The following NRG3 variants were observed in gnomAD, a reference collection of about 807,000 sequenced individuals.
NRG3 encodes neuregulin 3, also known as pro-neuregulin-3, membrane-bound isoform.
Under a neutral mutation model 66.9 loss-of-function variants are expected in NRG3, and 31 were observed. The observed-to-expected ratio is 0.46, with a 90% CI of 0.35 to 0.63. The LOEUF (loss-of-function observed/expected upper bound fraction) is 0.63. Among genes scored for constraint, NRG3 ranks in the 20% least tolerant of loss-of-function variants. NRG3 has a pLI of 0.00. For synonymous variants in NRG3, 393 were observed against 359.4 expected (o/e 1.09, Z -1.06); for missense variants, 910 against 878.9 (o/e 1.04, Z -0.45).
intron 1 of NRG3, among the ~76,000 whole-genome samples, chr10:82,048,462 A>G (rs1042415287): frequency 9.9e-5 from 15 of 152,078 alleles, no homozygotes; most frequent in Non-Finnish European, 2.1e-4. Context: ...AAACCGCACA[A>G]CTACGTGGAA....
chr10:82,679,282 T>C (rs1275992214), intron 2 of NRG3, among the ~76,000 whole-genome samples: 2 of 152,190 alleles, frequency 1.3e-5, no homozygotes, highest in Admixed American at 6.5e-5. Context: ...ATCATAATTA[T>C]GGCATTTCAT....
chr10:82,020,549 G>A (rs17099098), intron 1 of NRG3, among the ~76,000 whole-genome samples: 21,193 of 152,014 alleles, frequency 0.14, 1,863 homozygotes, highest in East Asian at 0.28. Flanking sequence ...TAAAATTTAC[G>A]TAAAATAGTT....
Position 82,082,802 on chromosome 10 carries a change from G to A in NRG3, c.823+206639G>A, listed in dbSNP as rs190144773. ...GGTTGGAGGCCCTGGGTCTCCAATT[G>A]ACCCTTCAAATATATTATTCTGTTC... On this transcript the variant is annotated intron_variant, in intron 1 of 8. Transcript: ENST00000372141. Among the ~76,000 whole-genome samples the A allele has an allele frequency of 1.7e-3, 265 of 152,228 alleles. No homozygotes were observed. In the Middle Eastern group the frequency reaches 0.024, roughly 14 times the overall value.
intron 1 of NRG3, among the ~76,000 whole-genome samples, chr10:81,913,631 C>T (rs1845392707): frequency 6.6e-6 from 1 of 151,998 alleles, no homozygotes; most frequent in Non-Finnish European, 1.5e-5. Context: ...ACCATGTTGG[C>T]CAGGCTGGTC....
chr10:82,576,454 A>G (rs973078442), intron 2 of NRG3, among the ~76,000 whole-genome samples: 4 of 151,712 alleles, frequency 2.6e-5, no homozygotes, highest in Admixed American at 1.3e-4. Flanking sequence ...TCCAAAAGGC[A>G]AGCAGAACCA....
intron 1 of NRG3, among the ~76,000 whole-genome samples, chr10:81,893,105 A>G (rs879879569): frequency 6.6e-6 from 1 of 152,230 alleles, no homozygotes; most frequent in Non-Finnish European, 1.5e-5. Context: ...AAATTAGAAA[A>G]TATAAGTAAT....
intron 1 of NRG3, among the ~76,000 whole-genome samples, chr10:81,899,079 G>C (rs1168703185): frequency 6.6e-6 from 1 of 152,164 alleles, no homozygotes; most frequent in African/African-American, 2.4e-5. Flanking sequence ...TATTGAAATA[G>C]TATTTTAAAA....
intron 4 of NRG3, among the ~76,000 whole-genome samples, chr10:82,882,060 G>A (rs990008088): frequency 2.0e-5 from 3 of 152,094 alleles, no homozygotes; most frequent in Non-Finnish European, 4.4e-5. Flanking sequence ...TCAGAAGCAC[G>A]TTCTCTTCTT....
chr10:82,984,925 C>T, intron 8 of NRG3, 173 bp from the exon 9 acceptor site: 1 of 1,238,042 alleles, frequency 8.1e-7, no homozygotes. Flanking sequence ...GTCACTTCAC[C>T]TATCTGAGCT....
At chr10:82,654,926 C>T (rs1428803427) in intron 2 of NRG3, among the ~76,000 whole-genome samples, 1 of 151,914 alleles carries the variant, frequency 6.6e-6, no homozygotes, top group Admixed American at 6.6e-5. Flanking sequence ...ATTATTGGTA[C>T]AATTTCTGAA....
chr10:82,413,575 C>T (rs973187667), intron 2 of NRG3, among the ~76,000 whole-genome samples: 1 of 152,104 alleles, frequency 6.6e-6, no homozygotes, highest in African/African-American at 2.4e-5. Context: ...AGAGAGTCAG[C>T]GGTTCCTTTG....
At chr10:82,576,158 T>C (rs992768672) in intron 2 of NRG3, among the ~76,000 whole-genome samples, 5 of 151,692 alleles carry the variant, frequency 3.3e-5, no homozygotes, top group African/African-American at 1.2e-4. Flanking sequence ...TTTTCTCCTC[T>C]GTTTTGTTTT....
intron 1 of NRG3, among the ~76,000 whole-genome samples, chr10:82,091,314 C>T (rs558422756): frequency 6.6e-6 from 1 of 152,114 alleles, no homozygotes; most frequent in Non-Finnish European, 1.5e-5. Context: ...ATAACTTCTC[C>T]TTCTCCTCCT....
intron 1 of NRG3, among the ~76,000 whole-genome samples, chr10:82,050,433 G>A (rs909375855): frequency 6.6e-6 from 1 of 151,936 alleles, no homozygotes; most frequent in African/African-American, 2.4e-5. Flanking sequence ...ATGAATGGGT[G>A]GCTGGCTGGC....
intron 1 of NRG3, among the ~76,000 whole-genome samples, chr10:82,350,204 A>C (rs1185955513): frequency 6.6e-6 from 1 of 152,224 alleles, no homozygotes; most frequent in African/African-American, 2.4e-5. Flanking sequence ...CATTTCCAAA[A>C]ACATTATCAG....
chr10:82,572,107 C>T (rs2045771911), intron 2 of NRG3, among the ~76,000 whole-genome samples: 1 of 151,544 alleles, frequency 6.6e-6, no homozygotes, highest in Non-Finnish European at 1.5e-5. Context: ...ATTTCTAAAG[C>T]TAAGGATTTT....
At chr10:82,212,749 A>G (rs188113036) in intron 1 of NRG3, among the ~76,000 whole-genome samples, 7 of 152,330 alleles carry the variant, frequency 4.6e-5, no homozygotes, top group Non-Finnish European at 1.0e-4. Flanking sequence ...AAACATTAAT[A>G]TATGTGCCAT....
rs1056913490 is a variant in NRG3 at position 81,948,287 on chromosome 10, C to T, written c.823+72124C>T. On this transcript the variant is annotated intron_variant, in intron 1 of 8. Transcript: ENST00000372141. ...CCCTTCCCCTACTCAGGCATAGCCTCACCCATTATCAACATTCCTCACCAG... is the reference window on the plus strand; with the variant it reads ...CCCTTCCCCTACTCAGGCATAGCCTTACCCATTATCAACATTCCTCACCAG... Among the ~76,000 whole-genome samples the T allele has an allele frequency of 2.0e-5, 3 of 152,192 alleles. No individual in the cohort carries two copies. In the East Asian group the frequency reaches 5.8e-4, roughly 29 times the overall value.
chr10:82,048,797 T>C (rs1303075719), intron 1 of NRG3, among the ~76,000 whole-genome samples: 15 of 150,788 alleles, frequency 9.9e-5, no homozygotes, highest in East Asian at 5.8e-4. Flanking sequence ...TTCAAAAAAT[T>C]AATGAATCCA....
Sources: allele counts gnomAD v4.1 joint callset (sites outside exome capture counted in the v4.1 genomes callset), GRCh38; gene constraint gnomAD v4.1.1; transcripts MANE v1.5; gene names NCBI Gene and HGNC (gene_info 2026-07-23, HGNC 2026-07-21).